Variants in ABCA13 observed in about 807,000 individuals in gnomAD.
ABCA13 encodes the protein ATP-binding cassette sub-family A member 13.
ABCA13 carries 476 observed loss-of-function variants against 478.7 expected under a neutral mutation model. That is an observed-to-expected ratio of 0.99 (90% CI 0.92 to 1.07). The LOEUF is 1.07. Ranked by LOEUF, ABCA13 falls within the 50% of genes least tolerant of loss-of-function variation. The probability of loss-of-function intolerance (pLI) is 0.00; values close to 1 mark genes in which losing one functional copy is unlikely to be tolerated. For missense variants in ABCA13, 6,060 were observed against 5,910.6 expected, an observed-to-expected ratio of 1.03 and a Z score of -0.83; for synonymous variants, 2,252 against 2,158.9, an observed-to-expected ratio of 1.04 and a Z score of -1.20.
At chr7:48,494,417 AGCTTTGGG>A (rs1376974134) in intron 48 of ABCA13, among the ~76,000 whole-genome samples, 86 of 152,192 alleles carry the variant, frequency 5.7e-4, no homozygotes, top group African/African-American at 2.0e-3. Flanking sequence ...TGCCCTTGAG[AGCTTTGGG>A]TATATTTGAG....
At chr7:48,231,508 A>G (rs1205527209) in intron 7 of ABCA13, among the ~76,000 whole-genome samples, 2 of 152,120 alleles carry the variant, frequency 1.3e-5, no homozygotes, top group African/African-American at 4.8e-5. Context: ...ACGAGTGGCC[A>G]TGGGAGCAGT....
chr7:48,268,841 C>A, intron 15 of ABCA13, 139 bp from the exon 16 acceptor site: 1 of 548,146 alleles, frequency 1.8e-6, no homozygotes, highest in Non-Finnish European at 3.2e-6. Context: ...TTAGAAGATT[C>A]CTACTCATCT....
Position 48,272,766 on chromosome 7 carries a change from C to T in ABCA13, c.3100C>T (p.Leu1034Phe), listed in dbSNP as rs1164576029. 1 of 1,606,948 alleles carries T rather than the reference C, an allele frequency of 6.2e-7. No individual in the cohort carries two copies. Among genetic ancestry groups the T allele is most frequent in the Non-Finnish European group, 8.5e-7 (1 of 1,175,750 alleles). The change falls in exon 17 of 62, where the codon CTT (leucine) becomes TTT (phenylalanine). Residue 1034 changes from leucine (L) to phenylalanine (F), a missense_variant. Leu to Phe is a conservative substitution (Grantham distance 22). Transcript: ENST00000435803. The stretch of plus-strand genomic sequence containing the variant: ...TAATGTATCTTACTGTCAGCAATTG[C>T]TTTCAATTTTTAACTTTTTGGAGCT... ...ISNVSYCQQLLSIFNFLELQA... is the reference protein window; with the variant it reads ...ISNVSYCQQLFSIFNFLELQA...
chr7:48,182,727 G>A (rs1467231478), intron 1 of ABCA13, among the ~76,000 whole-genome samples: 1 of 152,158 alleles, frequency 6.6e-6, no homozygotes. Flanking sequence ...CTAACTAAAA[G>A]GTTTGCAAAA....
chr7:48,192,469 A>T (rs1349193960), intron 1 of ABCA13, among the ~76,000 whole-genome samples: 1 of 152,210 alleles, frequency 6.6e-6, no homozygotes, highest in Non-Finnish European at 1.5e-5. Context: ...CTTTGGTAAG[A>T]ATATTATGCA....
At chr7:48,263,676 A>G (rs1051930277) in intron 15 of ABCA13, among the ~76,000 whole-genome samples, 1 of 150,998 alleles carries the variant, frequency 6.6e-6, no homozygotes, top group East Asian at 1.9e-4. Flanking sequence ...AAGGCATTAC[A>G]ACTAATGGCC....
At chr7:48,321,365 G>A (rs548269119) in intron 27 of ABCA13, among the ~76,000 whole-genome samples, 4 of 152,270 alleles carry the variant, frequency 2.6e-5, no homozygotes, top group African/African-American at 9.6e-5. Context: ...GGGAAGAGAA[G>A]GATGAAAGTA....
intron 38 of ABCA13, 30 bp downstream of exon 38, chr7:48,392,169 C>G: frequency 1.3e-6 from 2 of 1,591,210 alleles, no homozygotes; most frequent in Non-Finnish European, 1.7e-6. Context: ...TCTGCTCCTC[C>G]TGCCTCTGCC....
chr7:48,567,836 G>A (rs1182194890), intron 55 of ABCA13, among the ~76,000 whole-genome samples: 1 of 152,000 alleles, frequency 6.6e-6, no homozygotes, highest in East Asian at 1.9e-4. Flanking sequence ...ATTTTTACAT[G>A]AGCGATTTTT....
At chr7:48,317,450 T>C (rs534897721) in intron 27 of ABCA13, among the ~76,000 whole-genome samples, 154 bp downstream of exon 27, 1 of 152,340 alleles carries the variant, frequency 6.6e-6, no homozygotes, top group East Asian at 1.9e-4. Flanking sequence ...GTTTTTCCTG[T>C]CATTGTTATT....
At chr7:48,523,543 C>T (rs554254010) in intron 53 of ABCA13, among the ~76,000 whole-genome samples, 283 of 151,468 alleles carry the variant, frequency 1.9e-3, no homozygotes, top group African/African-American at 6.2e-3. Flanking sequence ...CTAACTCAGT[C>T]GTTATCATTA....
chr7:48,288,010 C>A lies in ABCA13; in HGVS notation c.8887C>A (p.Gln2963Lys). ...TTTGTGTGCTACTCTGAGTTGCAAG[C>A]AAAATGGGATAAGGCATCTCATTTT... ...DILCATLSCK[Q>K]NGIRHLILSA... The change falls in exon 20 of 62, where the codon CAA becomes AAA. Residue 2963 changes from glutamine (Q) to lysine (K), a missense_variant. Physicochemically the swap from Gln to Lys is moderately conservative, Grantham distance 53. Around this residue, in one of 3 missense-constraint regions of ABCA13, gnomAD observed 4,423 missense variants for 4,309.1 expected, o/e 1.03. Coordinates refer to ENST00000435803, the MANE Select transcript of ABCA13 (RefSeq NM_152701.5). 6.2e-7 allele frequency: 1 copy of A among 1,613,982 alleles called. No homozygotes were observed. The highest frequency in any genetic ancestry group is 8.5e-7 in the Non-Finnish European group (1 of 1,179,894).
chr7:48,278,495 C>CTAA lies in ABCA13; in HGVS notation c.7305_7307dup (p.Asn2435dup), dbSNP rs1407865569. On this transcript the variant is annotated inframe_insertion, in exon 18 of 62. Coordinates refer to ENST00000435803, the MANE Select transcript of ABCA13 (RefSeq NM_152701.5). ...CTTCTGGATACAATTTTACACTCTCCTAATAAGGACTTCTATGCTTTGTAT... is the reference window on the plus strand; with the variant it reads ...CTTCTGGATACAATTTTACACTCTCCTAATAATAAGGACTTCTATGCTTTGTAT... The CTAA allele has an allele frequency of 6.2e-7, 1 of 1,613,816 alleles. No individual in the cohort carries two copies. Among genetic ancestry groups the CTAA allele is most frequent in the Non-Finnish European group, 8.5e-7 (1 of 1,179,876 alleles).
At chr7:48,507,395 G>A (rs1360408644) in intron 49 of ABCA13, among the ~76,000 whole-genome samples, 1 of 152,164 alleles carries the variant, frequency 6.6e-6, no homozygotes, top group South Asian at 2.1e-4. Context: ...ATATTACAGA[G>A]CACCTCAATC....
chr7:48,220,671 G>T (rs1787234449), intron 4 of ABCA13, among the ~76,000 whole-genome samples: 1 of 152,122 alleles, frequency 6.6e-6, no homozygotes, highest in African/African-American at 2.4e-5. Context: ...TATCAAAATA[G>T]ACCAGAATGG....
intron 59 of ABCA13, among the ~76,000 whole-genome samples, chr7:48,624,059 A>AGTGTGTGTGT (rs3078326): frequency 3.9e-4 from 56 of 142,540 alleles, no homozygotes; most frequent in African/African-American, 7.3e-4. Flanking sequence ...CACATGATAG[A>AGTGTGTGTGT]GTGTGTGTGT....
intron 45 of ABCA13, among the ~76,000 whole-genome samples, chr7:48,478,766 A>G (rs1828425123): frequency 6.6e-6 from 1 of 152,124 alleles, no homozygotes; most frequent in African/African-American, 2.4e-5. Context: ...AGTTAGGTAA[A>G]GAATTTCAAC....
chr7:48,228,238 C>T (rs1048790007), intron 6 of ABCA13, among the ~76,000 whole-genome samples: 6 of 152,178 alleles, frequency 3.9e-5, no homozygotes, highest in East Asian at 1.9e-4. Context: ...GGGAGGTCCC[C>T]GTTCTGGCTT....
At chr7:48,350,599 G>A (rs1444469108) in intron 29 of ABCA13, 44 bp from the exon 30 acceptor site, 3 of 1,520,178 alleles carry the variant, frequency 2.0e-6, no homozygotes, top group Non-Finnish European at 2.7e-6. Flanking sequence ...AAGCACTGGG[G>A]GGATACAGAA....
Sources: allele counts gnomAD v4.1 joint callset (sites outside exome capture counted in the v4.1 genomes callset), GRCh38; gene constraint gnomAD v4.1.1; regional missense constraint gnomAD v4.1.1; transcripts MANE v1.5; gene names NCBI Gene and HGNC (gene_info 2026-07-23, HGNC 2026-07-21).